Variants in CDH23 observed in about 807,000 individuals in gnomAD.
CDH23 encodes the protein cadherin-23.
In CDH23, 189 loss-of-function variants were observed where a neutral mutation model predicts 317.1. The observed-to-expected ratio is 0.60, with a 90% CI of 0.53 to 0.67. CDH23 has a LOEUF of 0.67. Among genes scored for constraint, CDH23 ranks in the 30% least tolerant of loss-of-function variants. The pLI is 0.00. For synonymous variants in CDH23, 1,839 were observed against 1,876.8 expected, an observed-to-expected ratio of 0.98 and a Z score of 0.52; for missense variants, 4,401 against 4,592.4, an observed-to-expected ratio of 0.96 and a Z score of 1.20.
intron 28 of CDH23, chr10:71,715,800 G>C: frequency 1.2e-6 from 1 of 827,138 alleles, no homozygotes; most frequent in Non-Finnish European, 1.8e-6. Flanking sequence ...GGGCATGCAA[G>C]GAGCTTCGGG....
Position 71,731,994 on chromosome 10 carries a change from T to A in CDH23, c.3723T>A (p.Gly1241=). 1 of 1,613,446 alleles carries A rather than the reference T, an allele frequency of 6.2e-7. No homozygotes were observed. Among genetic ancestry groups the A allele is most frequent in the Non-Finnish European group, 8.5e-7 (1 of 1,179,510 alleles). The change falls in exon 32 of 70, where the codon GGT becomes GGA. Residue 1241 remains glycine (G), a synonymous_variant. Transcript: ENST00000224721. ...VQATDRDSGD[G]GLVNYRILSG... is the part of the protein sequence containing the mutation. ...CTCTGTGTCCTCCTACAGGGGATGG[T>A]GGCCTGGTGAACTACCGCATCCTGT...
chr10:71,523,812 G>A (rs775282484), intron 6 of CDH23, among the ~76,000 whole-genome samples: 19 of 152,296 alleles, frequency 1.2e-4, no homozygotes, highest in Non-Finnish European at 2.1e-4. Context: ...CTCTGAAGCT[G>A]ACGACCAGAA....
At position 71,511,230 on chromosome 10, in the gene CDH23, T is replaced by C. The variant is rs141451003; in HGVS notation, c.429+18T>C. 5.0e-3 allele frequency: 8,052 copies of C among 1,607,048 alleles called. 196 individuals carry two copies. In the African/African-American group the frequency reaches 0.067, roughly 13 times the overall value. On this transcript the variant is annotated intron_variant, in intron 6 of 69. Transcript: ENST00000224721. ...TCCCTGAGGTAGGAGCCACTGGGGT[T>C]ACCCTTGAGGGTATCAGAGACCTGC...
intron 48 of CDH23, chr10:71,796,196 C>T (rs916855954): frequency 2.9e-6 from 2 of 699,736 alleles, no homozygotes; most frequent in Non-Finnish European, 3.5e-6. Flanking sequence ...GGAGGTCTCA[C>T]TCTGGGATGA....
chr10:71,584,715 G>A (rs1197885511), intron 9 of CDH23, among the ~76,000 whole-genome samples: 4 of 152,220 alleles, frequency 2.6e-5, no homozygotes. Context: ...ACACTTCAAA[G>A]CCCTTGTGAT....
intron 42 of CDH23, 45 bp downstream of exon 42, chr10:71,784,465 G>C: frequency 1.3e-6 from 2 of 1,590,224 alleles, no homozygotes; most frequent in Non-Finnish European, 1.7e-6. Context: ...CGCTGCCCCT[G>C]TACTTGCCAC....
chr10:71,784,551 C>T (rs1489451385), intron 42 of CDH23, 131 bp downstream of exon 42: 1 of 1,260,734 alleles, frequency 7.9e-7, no homozygotes, highest in Non-Finnish European at 1.1e-6. Context: ...CAGGCCTGCC[C>T]CTGGGGCCCT....
chr10:71,693,947 TC>T (rs897757376), intron 20 of CDH23, among the ~76,000 whole-genome samples, 199 bp from the exon 21 acceptor site: 2 of 151,962 alleles, frequency 1.3e-5, no homozygotes, highest in African/African-American at 4.8e-5. Flanking sequence ...GGGAACCAGC[TC>T]CCAAGGCACA....
chr10:71,501,754 A>C, intron 3 of CDH23, among the ~76,000 whole-genome samples: 1 of 152,238 alleles, frequency 6.6e-6, no homozygotes, highest in East Asian at 1.9e-4. Flanking sequence ...GCAGGCTCCA[A>C]GGCCAGCTCA....
At chr10:71,583,638 G>A (rs1265282830) in intron 9 of CDH23, among the ~76,000 whole-genome samples, 4 of 152,148 alleles carry the variant, frequency 2.6e-5, no homozygotes, top group Non-Finnish European at 4.4e-5. Flanking sequence ...ATGCTGAAAA[G>A]GCTTAATCTC....
intron 19 of CDH23, among the ~76,000 whole-genome samples, chr10:71,690,005 A>G (rs1473893166): frequency 6.6e-6 from 1 of 152,228 alleles, no homozygotes; most frequent in Non-Finnish European, 1.5e-5. Flanking sequence ...TGAAGGCCTT[A>G]ACTGAACATT....
At chr10:71,609,951 CGTGTGTGTGTGTGT>C (rs34311857) in intron 9 of CDH23, among the ~76,000 whole-genome samples, 26,324 of 142,854 alleles carry the variant, frequency 0.18, 3,072 homozygotes, top group African/African-American at 0.33. Context: ...AGGACTCCCC[CGTGTGTGTGTGTGT>C]GTGTGTGTGT....
chr10:71,567,751 C>T (rs2132362936), intron 7 of CDH23, among the ~76,000 whole-genome samples: 1 of 152,380 alleles, frequency 6.6e-6, no homozygotes, highest in South Asian at 2.1e-4. Context: ...CCCTACCCGC[C>T]CCCTCTCCTT....
At chr10:71,516,589 G>A (rs951912567) in intron 6 of CDH23, among the ~76,000 whole-genome samples, 4 of 152,254 alleles carry the variant, frequency 2.6e-5, no homozygotes, top group African/African-American at 9.6e-5. Flanking sequence ...TAAATCGATT[G>A]TTGTTGTTGG....
At chr10:71,734,137 T>G (rs1839482040) in intron 32 of CDH23, 103 bp from the exon 33 acceptor site, 2 of 926,516 alleles carry the variant, frequency 2.2e-6, no homozygotes, top group Non-Finnish European at 1.7e-6. Flanking sequence ...GGGGAAGTTA[T>G]GCCGGACAGA....
chr10:71,474,193 G>A (rs1851666176), intron 3 of CDH23, among the ~76,000 whole-genome samples: 1 of 152,158 alleles, frequency 6.6e-6, no homozygotes, highest in South Asian at 2.1e-4. Context: ...TTCTGCAGAG[G>A]GTCCAGTGGC....
intron 3 of CDH23, among the ~76,000 whole-genome samples, chr10:71,466,392 T>C (rs995970674): frequency 3.3e-5 from 5 of 151,764 alleles, no homozygotes; most frequent in African/African-American, 1.2e-4. Flanking sequence ...CCGTGTGTGA[T>C]AGTAAGAATG....
chr10:71,456,651 G>C (rs945509140), intron 3 of CDH23, among the ~76,000 whole-genome samples: 24 of 152,234 alleles, frequency 1.6e-4, no homozygotes, highest in African/African-American at 5.8e-4. Flanking sequence ...GTGCCAGCCT[G>C]TGCTGGGGGG....
intron 39 of CDH23, 21 bp downstream of exon 39, chr10:71,777,922 T>C: frequency 6.2e-7 from 1 of 1,613,146 alleles, no homozygotes; most frequent in Non-Finnish European, 8.5e-7. Flanking sequence ...GATGGCAGGA[T>C]CAAGACAAGG....
Sources: allele counts gnomAD v4.1 joint callset (sites outside exome capture counted in the v4.1 genomes callset), GRCh38; gene constraint gnomAD v4.1.1; transcripts MANE v1.5; gene names NCBI Gene and HGNC (gene_info 2026-07-23, HGNC 2026-07-21).